The following TMEM132C variants were observed in gnomAD, a reference collection of about 807,000 sequenced individuals.
The protein encoded by TMEM132C is transmembrane protein 132C, also known as protein phosphatase 1, regulatory subunit 152.
A neutral mutation model predicts 61.4 loss-of-function variants in TMEM132C; 29 were observed. The ratio of observed to expected loss-of-function variants is 0.47; its 90% confidence interval spans 0.35 to 0.64. The LOEUF is 0.64. TMEM132C is among the 30% of genes least tolerant of loss of function. The pLI is 0.00. For missense variants in TMEM132C, 1,408 were observed against 1,476.9 expected (o/e 0.95, Z 0.76); for synonymous variants, 656 against 633.1 (o/e 1.04, Z -0.54).
chr12:128,413,248 G>A (rs1003994006), intron 1 of TMEM132C, among the ~76,000 whole-genome samples: 3 of 127,946 alleles, frequency 2.3e-5, no homozygotes, highest in Non-Finnish European at 3.1e-5. Context: ...GCAGTGAGCC[G>A]AGATCGCGCC....
intron 1 of TMEM132C, among the ~76,000 whole-genome samples, chr12:128,356,433 T>C (rs1873507572): frequency 6.6e-6 from 1 of 152,228 alleles, no homozygotes; most frequent in African/African-American, 2.4e-5. Flanking sequence ...ACTCCATGTA[T>C]ACCCACCTGC....
At chr12:128,531,852 G>A (rs1322071597) in intron 2 of TMEM132C, among the ~76,000 whole-genome samples, 1 of 152,120 alleles carries the variant, frequency 6.6e-6, no homozygotes, top group African/African-American at 2.4e-5. Flanking sequence ...CCCACTGGCA[G>A]GTCACCTGTA....
At chr12:128,311,596 T>C (rs1554076) in intron 1 of TMEM132C, among the ~76,000 whole-genome samples, 29,393 of 152,190 alleles carry the variant, frequency 0.19, 3,364 homozygotes, top group Non-Finnish European at 0.26. Context: ...GAGGTGCGCT[T>C]AGCTCACCCA....
At position 128,534,231 on chromosome 12, in the gene TMEM132C, A is replaced by G. The variant is rs139344252; in HGVS notation, c.975-9726A>G. Among the ~76,000 whole-genome samples the G allele has an allele frequency of 1.1e-3, 169 of 152,340 alleles. 1 individual carries two copies. Among genetic ancestry groups the G allele is most frequent in the Admixed American group, 3.3e-3 (50 of 15,296 alleles). On this transcript the variant is annotated intron_variant, in intron 2 of 8. Transcript: ENST00000435159. ...TTTTTGTTTCGTTTGGGTTTTAACC[A>G]CTAAAAACCTGAGTAGGAGCATCAG...
chr12:128,589,605 A>G (rs1243016179), intron 3 of TMEM132C, among the ~76,000 whole-genome samples: 3 of 133,490 alleles, frequency 2.2e-5, no homozygotes, highest in African/African-American at 8.5e-5. Context: ...TATCTATTTT[A>G]GCATGAAAAG....
chr12:128,307,923 G>A (rs1871838127), intron 1 of TMEM132C, among the ~76,000 whole-genome samples: 1 of 152,170 alleles, frequency 6.6e-6, no homozygotes, highest in African/African-American at 2.4e-5. Context: ...CTCCCTGACT[G>A]TCAGTCCCTT....
chr12:128,445,145 A>G (rs990925462), intron 2 of TMEM132C, among the ~76,000 whole-genome samples: 6 of 152,100 alleles, frequency 3.9e-5, no homozygotes, highest in Non-Finnish European at 7.4e-5. Context: ...GCCTGTTGCT[A>G]TGGAAATTGT....
intron 2 of TMEM132C, among the ~76,000 whole-genome samples, chr12:128,461,711 T>G (rs1411916239): frequency 1.3e-5 from 2 of 152,120 alleles, no homozygotes; most frequent in Admixed American, 6.5e-5. Context: ...AGGGAAATTT[T>G]TTGAGTAATT....
chr12:128,674,276 A>G (rs932766641), intron 5 of TMEM132C, among the ~76,000 whole-genome samples: 1 of 152,208 alleles, frequency 6.6e-6, no homozygotes, highest in African/African-American at 2.4e-5. Flanking sequence ...ACATGGTAGC[A>G]TGGGGCAGTA....
At chr12:128,552,752 C>T (rs141302566) in intron 3 of TMEM132C, among the ~76,000 whole-genome samples, 1 of 152,152 alleles carries the variant, frequency 6.6e-6, no homozygotes, top group Non-Finnish European at 1.5e-5. Flanking sequence ...ACTAAAAATA[C>T]AAAAATTAAG....
At chr12:128,650,005 T>C (rs1954252020) in intron 4 of TMEM132C, among the ~76,000 whole-genome samples, 1 of 152,190 alleles carries the variant, frequency 6.6e-6, no homozygotes, top group East Asian at 1.9e-4. Context: ...GGTCTGTTAC[T>C]GCAAGCCAGC....
At chr12:128,555,920 G>A (rs577733410) in intron 3 of TMEM132C, among the ~76,000 whole-genome samples, 1 of 152,030 alleles carries the variant, frequency 6.6e-6, no homozygotes. Context: ...GTCTCATTGT[G>A]TTGCCCAGGT....
At chr12:128,275,027 C>G (rs1358972275) in intron 1 of TMEM132C, among the ~76,000 whole-genome samples, 1 of 152,160 alleles carries the variant, frequency 6.6e-6, no homozygotes, top group Non-Finnish European at 1.5e-5. Flanking sequence ...AGAGCTGTTA[C>G]TAAAAGAAGG....
rs375052020 is a variant in TMEM132C at position 128,691,683 on chromosome 12, C to T, written c.1450-2146C>T. On this transcript the variant is annotated intron_variant, in intron 5 of 8. Transcript: ENST00000435159. ...CTTGTCCACCCATCCATTCATGTGT[C>T]TGTCCATCAGTGTGTCCATCCACCC... Among the ~76,000 whole-genome samples, 51 of 152,356 alleles carry T rather than the reference C, an allele frequency of 3.3e-4. No individual in the cohort carries two copies. In the East Asian group the frequency reaches 8.3e-3, roughly 25 times the overall value.
intron 1 of TMEM132C, among the ~76,000 whole-genome samples, chr12:128,413,629 A>AAT (rs924619510): frequency 6.0e-5 from 9 of 150,964 alleles, no homozygotes; most frequent in Admixed American, 2.0e-4. Context: ...AATAGTTGTA[A>AAT]ATATATATAT....
Position 128,415,486 on chromosome 12 carries a change from C to T in TMEM132C, c.840C>T (p.Ser280=), listed in dbSNP as rs779056883. The change falls in exon 2 of 9, where the codon AGC becomes AGT. Residue 280 remains serine, a synonymous_variant. Coordinates refer to ENST00000435159, the MANE Select transcript of TMEM132C (RefSeq NM_001136103.3). The surrounding 1 kb of genome is among the most constrained non-coding windows in gnomAD (Gnocchi z 5.8). ...GTVGLYRAQD[S]AQLSELRLDG... ...TCGGCCTTTACCGGGCCCAGGACAG[C>T]GCCCAGCTCAGCGAGCTGCGTTTGG... 21 of 1,551,468 alleles carry T rather than the reference C, an allele frequency of 1.4e-5. No homozygotes were observed. Among genetic ancestry groups the T allele is most frequent in the Admixed American group, 1.2e-4 (6 of 50,986 alleles).
chr12:128,341,122 G>T (rs1872966888), intron 1 of TMEM132C, among the ~76,000 whole-genome samples: 1 of 151,870 alleles, frequency 6.6e-6, no homozygotes, highest in Non-Finnish European at 1.5e-5. Context: ...TGTATTTTTG[G>T]TAGAGACGGG....
chr12:128,410,441 T>C lies in TMEM132C; in HGVS notation c.86-4291T>C, dbSNP rs918921225. Among the ~76,000 whole-genome samples, 8 of 152,174 alleles carry C rather than the reference T, an allele frequency of 5.3e-5. No homozygotes were observed. The East Asian group carries it at 5.8e-4, about 11-fold the overall frequency. On this transcript the variant is annotated intron_variant, in intron 1 of 8. Coordinates refer to ENST00000435159, the MANE Select transcript of TMEM132C (RefSeq NM_001136103.3). ...TATTTTGAGACAGAGTCTCACTCTG[T>C]CTCCAGGCTAGAGTGCAGTGGCATG...
At chr12:128,428,730 T>G (rs930358051) in intron 2 of TMEM132C, among the ~76,000 whole-genome samples, 6 of 152,188 alleles carry the variant, frequency 3.9e-5, no homozygotes, top group Non-Finnish European at 8.8e-5. Context: ...AGGATGGCTG[T>G]AAATTCAGAG....
Sources: gnomAD v4.1 joint callset for allele counts (sites outside exome capture counted in the v4.1 genomes callset) on GRCh38, gnomAD v4.1.1 for gene constraint, Gnocchi (gnomAD v3.1) non-coding constraint, MANE v1.5 for transcripts, NCBI Gene and HGNC (gene_info 2026-07-23, HGNC 2026-07-21) for gene names.